Variants in TBC1D32 observed in about 807,000 individuals in gnomAD.
The protein encoded by TBC1D32 is TBC1 domain family member 32.
In TBC1D32, 151 loss-of-function variants were observed where a neutral mutation model predicts 170.3. That is an observed-to-expected ratio of 0.89 (90% CI 0.78 to 1.01). The LOEUF (loss-of-function observed/expected upper bound fraction) is 1.01. Among genes scored for constraint, TBC1D32 ranks in the 50% least tolerant of loss-of-function variants. The probability of loss-of-function intolerance (pLI) is 0.00; values close to 1 mark genes in which losing one functional copy is unlikely to be tolerated. For missense variants in TBC1D32, 1,464 were observed against 1,457.1 expected (o/e 1.00, Z -0.08); for synonymous variants, 498 against 488.0 (o/e 1.02, Z -0.27).
intron 24 of TBC1D32, among the ~76,000 whole-genome samples, chr6:121,153,656 C>G (rs1018486188): frequency 3.3e-5 from 5 of 152,152 alleles, no homozygotes; most frequent in African/African-American, 1.2e-4. Flanking sequence ...AAGCCCCTGA[C>G]TGGGGCTGCT....
chr6:121,235,840 T>C (rs889892538), intron 20 of TBC1D32, among the ~76,000 whole-genome samples: 3 of 152,246 alleles, frequency 2.0e-5, no homozygotes, highest in Non-Finnish European at 4.4e-5. Context: ...CCACACAATG[T>C]TCTGTCTGTC....
At chr6:121,281,480 C>G (rs1802966368) in intron 14 of TBC1D32, 64 bp downstream of exon 14, 1 of 1,292,986 alleles carries the variant, frequency 7.7e-7, no homozygotes, top group African/African-American at 1.5e-5. Flanking sequence ...GAAATAAAGT[C>G]CCACTGAGTA....
chr6:121,319,415 C>A (rs1017963250), intron 2 of TBC1D32, among the ~76,000 whole-genome samples: 1 of 152,098 alleles, frequency 6.6e-6, no homozygotes, highest in South Asian at 2.1e-4. Context: ...CAAAACAGTG[C>A]CCTGGCAGCA....
intron 15 of TBC1D32, among the ~76,000 whole-genome samples, chr6:121,267,095 G>A (rs908533769): frequency 4.0e-5 from 5 of 125,272 alleles, no homozygotes; most frequent in South Asian, 2.5e-4. Flanking sequence ...AAAAAAAAAA[G>A]AATAGGACAC....
At chr6:121,201,749 G>A (rs1791594801) in intron 22 of TBC1D32, among the ~76,000 whole-genome samples, 1 of 150,530 alleles carries the variant, frequency 6.6e-6, no homozygotes, top group Non-Finnish European at 1.5e-5. Flanking sequence ...ATATCTTTCT[G>A]TCTGTATATG....
chr6:121,079,988 C>G lies in TBC1D32; in HGVS notation c.*783G>C, dbSNP rs1318964769. Reference sequence around the variant, plus strand: ...AGGACAACAGTTTTCCTACCACTTGCCATGGTAAATAGTATCATTGTTCTT... The same window carrying G: ...AGGACAACAGTTTTCCTACCACTTGGCATGGTAAATAGTATCATTGTTCTT... On this transcript the variant is annotated 3_prime_UTR_variant, in exon 32 of 32. Transcript: ENST00000398212. 6.6e-6 allele frequency: 1 copy of G among 152,146 alleles called. No individual in the cohort carries two copies. 9.4% of individuals were successfully genotyped at this position (152,146 alleles called of 1,614,324 possible). A position where few individuals can be genotyped will look rare whatever the true frequency, so the allele number is the denominator to read the frequency against.
chr6:121,118,240 A>T (rs1466740468), intron 26 of TBC1D32, among the ~76,000 whole-genome samples: 1 of 152,194 alleles, frequency 6.6e-6, no homozygotes, highest in Non-Finnish European at 1.5e-5. Context: ...AGTAACACAT[A>T]GAAGAGATAG....
At chr6:121,279,536 G>A (rs1458266533) in intron 14 of TBC1D32, among the ~76,000 whole-genome samples, 1 of 151,910 alleles carries the variant, frequency 6.6e-6, no homozygotes, top group Non-Finnish European at 1.5e-5. Context: ...GTTGGCAAAT[G>A]TAGTAGCTCT....
intron 22 of TBC1D32, among the ~76,000 whole-genome samples, chr6:121,192,053 A>ATATATATATATATATATATATATAT (rs1158179800): frequency 2.7e-4 from 16 of 59,650 alleles, no homozygotes; most frequent in Non-Finnish European, 6.5e-4. Flanking sequence ...GTTAATACTT[A>ATATATATATATATATATATATATAT]ATAAACTACC....
chr6:121,305,539 G>A (rs780106371), intron 5 of TBC1D32, among the ~76,000 whole-genome samples: 14 of 151,904 alleles, frequency 9.2e-5, no homozygotes, highest in Non-Finnish European at 1.3e-4. Flanking sequence ...TCTAATCTGG[G>A]GGGGGATTAA....
intron 15 of TBC1D32, among the ~76,000 whole-genome samples, chr6:121,270,839 G>A (rs1801297889): frequency 6.6e-6 from 1 of 152,110 alleles, no homozygotes; most frequent in Non-Finnish European, 1.5e-5. Flanking sequence ...TATTCCTGAT[G>A]AACATCGATG....
chr6:121,172,341 C>A (rs1236920636), intron 22 of TBC1D32, among the ~76,000 whole-genome samples: 1 of 152,104 alleles, frequency 6.6e-6, no homozygotes, highest in Non-Finnish European at 1.5e-5. Flanking sequence ...GCTGGGGTGA[C>A]TGACCTGGAC....
chr6:121,261,095 C>T (rs921058520), intron 15 of TBC1D32, among the ~76,000 whole-genome samples: 5 of 152,136 alleles, frequency 3.3e-5, no homozygotes, highest in Non-Finnish European at 7.4e-5. Context: ...ACAGGAACTC[C>T]AACAACTCCA....
intron 16 of TBC1D32, 144 bp downstream of exon 16, chr6:121,255,940 C>T (rs1798945534): frequency 5.8e-6 from 4 of 694,376 alleles, no homozygotes; most frequent in Non-Finnish European, 9.5e-6. Context: ...AATTAAGATG[C>T]ATTATGTCCC....
chr6:121,269,695 C>A (rs1255141465), intron 15 of TBC1D32, among the ~76,000 whole-genome samples: 1 of 152,114 alleles, frequency 6.6e-6, no homozygotes, highest in Non-Finnish European at 1.5e-5. Flanking sequence ...CAACATTAGA[C>A]AGATCAAAGA....
intron 30 of TBC1D32, among the ~76,000 whole-genome samples, chr6:121,099,454 T>C (rs1345268962): frequency 2.6e-5 from 4 of 151,966 alleles, no homozygotes; most frequent in Admixed American, 2.0e-4. Context: ...TAATTTTTTG[T>C]ACTCTAGTTG....
intron 22 of TBC1D32, among the ~76,000 whole-genome samples, chr6:121,162,593 G>C (rs985246660): frequency 1.3e-5 from 2 of 152,096 alleles, no homozygotes; most frequent in Non-Finnish European, 2.9e-5. Flanking sequence ...CATTCAAACA[G>C]AAAGAGAGGA....
intron 17 of TBC1D32, among the ~76,000 whole-genome samples, chr6:121,245,549 C>T (rs1377649555): frequency 1.3e-5 from 2 of 152,178 alleles, no homozygotes; most frequent in African/African-American, 4.8e-5. Context: ...AAGTCTACCT[C>T]TCTATCCAAT....
chr6:121,208,799 C>T (rs965414041), intron 21 of TBC1D32, among the ~76,000 whole-genome samples: 35 of 149,214 alleles, frequency 2.3e-4, no homozygotes, highest in African/African-American at 7.8e-4. Context: ...GAAGCATGGC[C>T]CTGCTGGCAC....
Sources: allele counts gnomAD v4.1 joint callset (sites outside exome capture counted in the v4.1 genomes callset), GRCh38; gene constraint gnomAD v4.1.1; transcripts MANE v1.5; gene names NCBI Gene and HGNC (gene_info 2026-07-23, HGNC 2026-07-21).